Variants in HERC6 observed in about 807,000 individuals in gnomAD.
The protein encoded by HERC6 is HECT and RLD domain containing E3 ubiquitin protein ligase family member 6.
Under a neutral mutation model 114.5 loss-of-function variants are expected in HERC6, and 101 were observed. The ratio of observed to expected loss-of-function variants is 0.88; its 90% confidence interval spans 0.75 to 1.04. HERC6 has a LOEUF of 1.04. HERC6 is among the 50% of genes least tolerant of loss of function. The pLI, the probability that HERC6 is intolerant of heterozygous loss-of-function variation, is 0.00. For synonymous variants in HERC6, 408 were observed against 436.2 expected, an observed-to-expected ratio of 0.94 and a Z score of 0.81; for missense variants, 1,133 against 1,230.9, an observed-to-expected ratio of 0.92 and a Z score of 1.19.
intron 16 of HERC6, 111 bp from the exon 17 acceptor site, chr4:88,431,051 T>C: frequency 1.1e-6 from 1 of 932,560 alleles, no homozygotes. Context: ...GGCTATGTGA[T>C]TCTAATAATT....
rs1320124774 is a variant in HERC6 at position 88,439,958 on chromosome 4, T to C, written c.2640T>C (p.Tyr880=). Residue 880 remains tyrosine, a synonymous_variant, in exon 21 of 23, where the codon TAT becomes TAC. Coordinates refer to ENST00000264346, the MANE Select transcript of HERC6 (RefSeq NM_017912.4). ...ATGAGGAATTTCAGAGAGGATTTTA[T>C]AGAGTCTGTGAGAAGGAGATACTTA... ...AVYEEFQRGF[Y]RVCEKEILRH... is the part of the protein sequence containing the mutation. 5.0e-6 allele frequency: 8 copies of C among 1,611,604 alleles called. No individual in the cohort carries two copies. In the African/African-American group the frequency reaches 5.3e-5, roughly 11 times the overall value.
intron 1 of HERC6, among the ~76,000 whole-genome samples, chr4:88,380,347 A>C (rs376576603): frequency 1.2e-4 from 1 of 8,126 alleles, no homozygotes. Flanking sequence ...ATATATATAT[A>C]ATATAAATAT....
At chr4:88,387,523 AG>A (rs1036460804) in intron 3 of HERC6, among the ~76,000 whole-genome samples, 1 of 152,244 alleles carries the variant, frequency 6.6e-6, no homozygotes, top group African/African-American at 2.4e-5. Context: ...CAGAATAGTC[AG>A]GATTTGAACC....
intron 16 of HERC6, among the ~76,000 whole-genome samples, chr4:88,429,659 T>C (rs1276289932): frequency 6.6e-6 from 1 of 152,076 alleles, no homozygotes; most frequent in East Asian, 1.9e-4. Flanking sequence ...ATGTCAGCCA[T>C]GAGAGGAAGA....
At chr4:88,423,781 C>T in intron 13 of HERC6, 79 bp from the exon 14 acceptor site, 1 of 567,458 alleles carries the variant, frequency 1.8e-6, no homozygotes, top group Non-Finnish European at 3.0e-6. Context: ...GTATAACAGC[C>T]ATACATATAT....
Position 88,426,771 on chromosome 4 carries a change from C to T in HERC6, c.1936-1809C>T, listed in dbSNP as rs536943772. Among the ~76,000 whole-genome samples, 74 of 152,332 alleles carry T rather than the reference C, an allele frequency of 4.9e-4. 1 individual carries two copies. In the East Asian group the frequency reaches 8.5e-3, roughly 17 times the overall value. On this transcript the variant is annotated intron_variant, in intron 15 of 22. Coordinates refer to ENST00000264346, the MANE Select transcript of HERC6 (RefSeq NM_017912.4). ...GATTACAGGCGTGAGCCACCACGCC[C>T]GGACTAGTTACTATTATTAGTGCCT...
chr4:88,413,117 C>T lies in HERC6; in HGVS notation c.1409C>T (p.Pro470Leu), dbSNP rs528652638. The T allele has an allele frequency of 6.2e-7, 1 of 1,613,276 alleles. No individual in the cohort carries two copies. Among genetic ancestry groups the T allele is most frequent in the South Asian group, 1.1e-5 (1 of 91,016 alleles). ...CLEDDLLRALPCHSPHQEALS... is the reference protein window; with the variant it reads ...CLEDDLLRALLCHSPHQEALS... The stretch of plus-strand genomic sequence containing the variant: ...GAGGATGATCTGCTCAGAGCTCTTC[C>T]ATGCCATTCTCCACACCAAGAAGCT... The change falls in exon 12 of 23, where the codon CCA becomes CTA. Residue 470 changes from proline (P) to leucine (L), a missense_variant. Transcript: ENST00000264346.
chr4:88,421,471 G>T (rs544109200), intron 13 of HERC6, among the ~76,000 whole-genome samples: 1 of 144,326 alleles, frequency 6.9e-6, no homozygotes, highest in Non-Finnish European at 1.5e-5. Flanking sequence ...TTTTTGAGAC[G>T]GATTCTTGCT....
chr4:88,395,959 GC>G, intron 5 of HERC6, 55 bp from the exon 6 acceptor site: 1 of 1,510,686 alleles, frequency 6.6e-7, no homozygotes, highest in South Asian at 1.3e-5. Flanking sequence ...TAATCAGTAA[GC>G]TTTTAGTTAC....
At chr4:88,416,878 G>C (rs1209811610) in intron 12 of HERC6, among the ~76,000 whole-genome samples, 1 of 151,884 alleles carries the variant, frequency 6.6e-6, no homozygotes, top group East Asian at 1.9e-4. Flanking sequence ...AAATTTATTT[G>C]TTTTCTGAGA....
chr4:88,430,473 G>A (rs950339413), intron 16 of HERC6, among the ~76,000 whole-genome samples: 10 of 152,100 alleles, frequency 6.6e-5, no homozygotes, highest in Admixed American at 5.9e-4. Flanking sequence ...GGGAGGCTGA[G>A]GCAGGAGAAT....
Position 88,442,788 on chromosome 4 carries a change from G to T in HERC6, c.*328G>T. 1 of 328,610 alleles carries T rather than the reference G, an allele frequency of 3.0e-6. No individual in the cohort carries two copies. The highest frequency in any genetic ancestry group is 3.9e-5 in the South Asian group (1 of 25,476). The allele number at this position is 328,610 out of a possible 1,614,324, so 20.4% of individuals were successfully genotyped here. ...CCACATCAGCCTCTGATTGGCCATG[G>T]GCCAGACCTGCACTCTGGCCAATGA... On this transcript the variant is annotated 3_prime_UTR_variant, in exon 23 of 23. Transcript: ENST00000264346.
At chr4:88,393,645 A>G in intron 5 of HERC6, 63 bp downstream of exon 5, 1 of 968,162 alleles carries the variant, frequency 1.0e-6, no homozygotes, top group Non-Finnish European at 1.6e-6. Context: ...ATACATATGT[A>G]CTAATTATTG....
chr4:88,426,630 C>T (rs1465810269), intron 15 of HERC6, among the ~76,000 whole-genome samples: 1 of 151,842 alleles, frequency 6.6e-6, no homozygotes, highest in African/African-American at 2.4e-5. Flanking sequence ...CAGGCACCCA[C>T]CACACCCAGC....
At chr4:88,379,223 G>A (rs1344791936) in intron 1 of HERC6, 103 bp downstream of exon 1, 1 of 962,040 alleles carries the variant, frequency 1.0e-6, no homozygotes, top group Non-Finnish European at 1.5e-6. Flanking sequence ...CTGGGACCCG[G>A]GTGAGGGGCG....
At chr4:88,412,091 C>T (rs561694383) in intron 11 of HERC6, among the ~76,000 whole-genome samples, 5 of 152,118 alleles carry the variant, frequency 3.3e-5, no homozygotes, top group Admixed American at 2.6e-4. Context: ...AATCGAGTAA[C>T]GCTGACTTCC....
intron 3 of HERC6, among the ~76,000 whole-genome samples, 159 bp from the exon 4 acceptor site, chr4:88,390,493 A>T (rs1734850513): frequency 6.6e-6 from 1 of 152,166 alleles, no homozygotes; most frequent in Admixed American, 6.5e-5. Context: ...ATGTATATGT[A>T]TTTCAGCTCA....
chr4:88,417,343 T>C (rs766711367), intron 12 of HERC6, 82 bp from the exon 13 acceptor site: 54 of 1,230,862 alleles, frequency 4.4e-5, no homozygotes, highest in Non-Finnish European at 5.9e-5. Flanking sequence ...ATCTATTTCT[T>C]ACATTAAAGA....
chr4:88,414,036 G>T (rs1736282624), intron 12 of HERC6, among the ~76,000 whole-genome samples: 1 of 152,056 alleles, frequency 6.6e-6, no homozygotes, highest in Non-Finnish European at 1.5e-5. Context: ...CTCTGTAGTG[G>T]GTCCAGTCTT....
Sources: allele counts gnomAD v4.1 joint callset (sites outside exome capture counted in the v4.1 genomes callset), GRCh38; gene constraint gnomAD v4.1.1; transcripts MANE v1.5; gene names NCBI Gene and HGNC (gene_info 2026-07-23, HGNC 2026-07-21).